Variants in GALNT18 observed in about 807,000 individuals in gnomAD.
The protein encoded by GALNT18 is GalNAc-transferase 18.
GALNT18 carries 44 observed loss-of-function variants against 69.5 expected under a neutral mutation model. That is an observed-to-expected ratio of 0.63 (90% CI 0.50 to 0.81). The LOEUF (loss-of-function observed/expected upper bound fraction) is 0.81, where lower values mean the gene tolerates loss of function less well. Among genes scored for constraint, GALNT18 ranks in the 40% least tolerant of loss-of-function variants. The pLI is 0.00. For missense variants in GALNT18, 715 were observed against 810.0 expected, an observed-to-expected ratio of 0.88 and a Z score of 1.42; for synonymous variants, 364 against 318.2, an observed-to-expected ratio of 1.14 and a Z score of -1.53.
chr11:11,291,590 C>T (rs889219754), intron 10 of GALNT18, among the ~76,000 whole-genome samples: 1 of 149,660 alleles, frequency 6.7e-6, no homozygotes, highest in Non-Finnish European at 1.5e-5. Flanking sequence ...GAGTCCTTTG[C>T]ATGAGTTCCC....
At position 11,603,097 on chromosome 11, in the gene GALNT18, A is replaced by G. The variant is rs112880053; in HGVS notation, c.235+18262T>C. Among the ~76,000 whole-genome samples the G allele has an allele frequency of 0.014, 2,143 of 152,318 alleles. 56 individuals are homozygous for G. The highest frequency in any genetic ancestry group is 0.049 in the African/African-American group (2,052 of 41,564). ...ACAAAGTCTTCTTTGAAAGGAGGCA[A>G]TTCTAAGTTATGTCTTCCCATCAAC... On this transcript the variant is annotated intron_variant, in intron 1 of 10. Coordinates refer to ENST00000227756, the MANE Select transcript of GALNT18 (RefSeq NM_198516.3). The surrounding 1 kb of genome is among the most constrained non-coding windows in gnomAD (Gnocchi z 4.5).
intron 3 of GALNT18, among the ~76,000 whole-genome samples, chr11:11,401,009 A>G (rs1472046678): frequency 3.3e-5 from 5 of 152,156 alleles, no homozygotes; most frequent in African/African-American, 7.2e-5. Flanking sequence ...CGGGGCAGGA[A>G]CGTAGGCAGT....
rs1054208630 is a variant in GALNT18 at position 11,603,017 on chromosome 11, T to C, written c.235+18342A>G. 1.3e-5 allele frequency among the ~76,000 whole-genome samples: 2 copies of C among 152,216 alleles called. No individual in the cohort carries two copies. The highest frequency in any genetic ancestry group is 2.9e-5 in the Non-Finnish European group (2 of 68,030). ...GTTGTCCCATATAACCTGAGAATAT[T>C]AAATTGCTAAAAACTCTGGTTATCC... On this transcript the variant is annotated intron_variant, in intron 1 of 10. Coordinates refer to ENST00000227756, the MANE Select transcript of GALNT18 (RefSeq NM_198516.3). This position sits in a 1 kb window ranked among gnomAD's most constrained non-coding sequence, Gnocchi z 4.5.
At chr11:11,608,039 C>A (rs1360416426) in intron 1 of GALNT18, among the ~76,000 whole-genome samples, 1 of 152,238 alleles carries the variant, frequency 6.6e-6, no homozygotes, top group Non-Finnish European at 1.5e-5. Context: ...CGGTCAGTGA[C>A]ACCAAGATGC....
intron 2 of GALNT18, among the ~76,000 whole-genome samples, chr11:11,447,476 G>A (rs1164832919): frequency 6.6e-6 from 1 of 152,136 alleles, no homozygotes; most frequent in East Asian, 1.9e-4. Context: ...TGAAGCAGGG[G>A]TTTCTGTATG....
rs1159911317 is a variant in GALNT18, at chr11:11,404,786, C to A, written c.596-25522G>T. On this transcript the variant is annotated intron_variant, in intron 3 of 10. Coordinates refer to ENST00000227756, the MANE Select transcript of GALNT18 (RefSeq NM_198516.3). The surrounding 1 kb of genome is among the most constrained non-coding windows in gnomAD (Gnocchi z 4.5). Reference sequence around the variant, plus strand: ...CAGCCCCGCACAGACCCTGACCATACCCTGGCGACTCCATCAGCTATGATT... The same window carrying A: ...CAGCCCCGCACAGACCCTGACCATAACCTGGCGACTCCATCAGCTATGATT... Among the ~76,000 whole-genome samples the A allele has an allele frequency of 1.3e-5, 2 of 152,162 alleles. No homozygotes were observed. Among genetic ancestry groups the A allele is most frequent in the East Asian group, 1.9e-4 (1 of 5,188 alleles).
At chr11:11,515,248 A>C (rs1347676447) in intron 1 of GALNT18, among the ~76,000 whole-genome samples, 1 of 151,660 alleles carries the variant, frequency 6.6e-6, no homozygotes, top group Non-Finnish European at 1.5e-5. Flanking sequence ...GTACTCAGTA[A>C]ATGTGGGCTA....
intron 6 of GALNT18, among the ~76,000 whole-genome samples, chr11:11,364,556 G>A (rs569207578): frequency 7.1e-6 from 1 of 140,218 alleles, no homozygotes; most frequent in South Asian, 2.2e-4. Flanking sequence ...TACAAGAGGG[G>A]GGGAAAAAGA....
At chr11:11,501,264 A>G (rs1324519052) in intron 1 of GALNT18, among the ~76,000 whole-genome samples, 1 of 152,224 alleles carries the variant, frequency 6.6e-6, no homozygotes, top group Non-Finnish European at 1.5e-5. Context: ...TTAGAAAAAA[A>G]AATTCAGTGT....
At chr11:11,442,945 C>T (rs965116629) in intron 2 of GALNT18, among the ~76,000 whole-genome samples, 3 of 152,154 alleles carry the variant, frequency 2.0e-5, no homozygotes, top group Admixed American at 1.3e-4. Context: ...GGAGGCAGTG[C>T]GTGCCAGAGG....
intron 3 of GALNT18, among the ~76,000 whole-genome samples, chr11:11,424,044 G>A (rs1855072523): frequency 6.6e-6 from 1 of 152,188 alleles, no homozygotes; most frequent in Admixed American, 6.5e-5. Flanking sequence ...CCGGGCCAGT[G>A]GCAGCTAGCT....
chr11:11,466,682 C>G (rs563427285), intron 1 of GALNT18, among the ~76,000 whole-genome samples: 1 of 152,324 alleles, frequency 6.6e-6, no homozygotes, highest in Non-Finnish European at 1.5e-5. Flanking sequence ...GTGCTTTGAA[C>G]CATGAAAGCT....
At chr11:11,360,103 G>A (rs1188622305) in intron 6 of GALNT18, among the ~76,000 whole-genome samples, 4 of 151,762 alleles carry the variant, frequency 2.6e-5, no homozygotes, top group Admixed American at 2.6e-4. Context: ...TACAACAATG[G>A]GTCTGCTTTA....
At chr11:11,520,985 C>T (rs148930755) in intron 1 of GALNT18, among the ~76,000 whole-genome samples, 1 of 152,216 alleles carries the variant, frequency 6.6e-6, no homozygotes, top group East Asian at 1.9e-4. Context: ...GCTGGCCTTC[C>T]ACTGCTGTCT....
rs1355121739 is a variant in GALNT18, at chr11:11,573,432, A to G, written c.235+47927T>C. The G allele has an allele frequency of 6.6e-6, 1 of 152,224 alleles. No individual in the cohort carries two copies. Among genetic ancestry groups the G allele is most frequent in the Non-Finnish European group, 1.5e-5 (1 of 68,052 alleles). The allele number at this position is 152,224 out of a possible 1,614,324, so 9.4% of individuals were successfully genotyped here. On this transcript the variant is annotated intron_variant, in intron 1 of 10. Coordinates refer to ENST00000227756, the MANE Select transcript of GALNT18 (RefSeq NM_198516.3). This position sits in a 1 kb window ranked among gnomAD's most constrained non-coding sequence, Gnocchi z 4.6. The stretch of plus-strand genomic sequence containing the variant: ...CAAGGAGAAAAGCCACAATTAACTG[A>G]GCACTTACTTGGTGCCAGGAACTTG...
chr11:11,604,180 T>C lies in GALNT18; in HGVS notation c.235+17179A>G, dbSNP rs78911911. 0.013 allele frequency among the ~76,000 whole-genome samples: 1,957 copies of C among 152,380 alleles called. 52 individuals carry two copies. The highest frequency in any genetic ancestry group is 0.045 in the African/African-American group (1,876 of 41,588). On this transcript the variant is annotated intron_variant, in intron 1 of 10. Coordinates refer to ENST00000227756, the MANE Select transcript of GALNT18 (RefSeq NM_198516.3). The surrounding 1 kb of genome is among the most constrained non-coding windows in gnomAD (Gnocchi z 5.6). The stretch of plus-strand genomic sequence containing the variant: ...TGTTATTAATACACCACACAGTTTA[T>C]GGTATTTTGTTATAGCAGCCCAAAT...
At position 11,583,256 on chromosome 11, in the gene GALNT18, T is replaced by C. The variant is rs74477531; in HGVS notation, c.235+38103A>G. Among the ~76,000 whole-genome samples the C allele has an allele frequency of 5.6e-3, 857 of 152,296 alleles. 17 individuals carry two copies. Among genetic ancestry groups the C allele is most frequent in the African/African-American group, 0.019 (781 of 41,548 alleles). ...TCTCCTATTTCTGGCAAGACCATCC[T>C]GGGGCTATTTCTCAAAGCAGCTGGT... On this transcript the variant is annotated intron_variant, in intron 1 of 10. Transcript: ENST00000227756. This position sits in a 1 kb window ranked among gnomAD's most constrained non-coding sequence, Gnocchi z 4.7.
chr11:11,570,974 T>TTCATGGGCC (rs1321273639), intron 1 of GALNT18, among the ~76,000 whole-genome samples: 1 of 152,238 alleles, frequency 6.6e-6, no homozygotes, highest in African/African-American at 2.4e-5. Flanking sequence ...CTGAGTGTTT[T>TTCATGGGCC]TCATGGGCCC....
intron 3 of GALNT18, among the ~76,000 whole-genome samples, chr11:11,397,217 T>C (rs1854354744): frequency 6.6e-6 from 1 of 152,170 alleles, no homozygotes; most frequent in Non-Finnish European, 1.5e-5. Context: ...AGGTGGAATG[T>C]TGGGAACTGT....
Sources: gnomAD v4.1 joint callset for allele counts (sites outside exome capture counted in the v4.1 genomes callset) on GRCh38, gnomAD v4.1.1 for gene constraint, Gnocchi (gnomAD v3.1) non-coding constraint, MANE v1.5 for transcripts, NCBI Gene and HGNC (gene_info 2026-07-23, HGNC 2026-07-21) for gene names.